The following TMEM45B variants were observed in gnomAD, a reference collection of about 807,000 sequenced individuals.
TMEM45B encodes transmembrane protein 45B.
TMEM45B carries 29 observed loss-of-function variants against 27.3 expected under a neutral mutation model. The observed-to-expected ratio is 1.06, with a 90% CI of 0.79 to 1.45. The LOEUF (loss-of-function observed/expected upper bound fraction) is 1.45, where lower values mean the gene tolerates loss of function less well. Ranked by LOEUF, TMEM45B falls within the 40% of genes most tolerant of loss-of-function variation. TMEM45B has a pLI of 0.00. For synonymous variants in TMEM45B, 143 were observed against 134.7 expected, an observed-to-expected ratio of 1.06 and a Z score of -0.43; for missense variants, 348 against 343.9, an observed-to-expected ratio of 1.01 and a Z score of -0.09.
chr11:129,826,567 A>AAAAAAAAT (rs1199881268), intron 1 of TMEM45B, among the ~76,000 whole-genome samples: 6 of 96,118 alleles, frequency 6.2e-5, no homozygotes, highest in East Asian at 3.4e-4. Flanking sequence ...AAAAAAAAAA[A>AAAAAAAAT]AGGACCCTGA....
At chr11:129,853,000 T>G (rs1026689161) in intron 2 of TMEM45B, 1 of 182,790 alleles carries the variant, frequency 5.5e-6, no homozygotes, top group Non-Finnish European at 1.1e-5. Flanking sequence ...CGTACCTTAG[T>G]TGTGACAAAG....
intron 1 of TMEM45B, among the ~76,000 whole-genome samples, chr11:129,847,659 C>T (rs2135591005): frequency 6.6e-6 from 1 of 151,884 alleles, no homozygotes; most frequent in South Asian, 2.1e-4. Context: ...ATCCATTTAA[C>T]CCTGAGTGGA....
intron 1 of TMEM45B, among the ~76,000 whole-genome samples, chr11:129,847,698 T>G (rs1947781832): frequency 6.6e-6 from 1 of 151,964 alleles, no homozygotes; most frequent in Non-Finnish European, 1.5e-5. Context: ...GAGCACAGGG[T>G]TGGGGGTAAG....
rs896517501 is a variant in TMEM45B, at chr11:129,859,203, T to C, written c.*518T>C. The C allele has an allele frequency of 2.6e-5, 4 of 152,298 alleles. No homozygotes were observed. The highest frequency in any genetic ancestry group is 4.8e-5 in the African/African-American group (2 of 41,474). The allele number at this position is 152,298 out of a possible 1,614,324, so 9.4% of individuals were successfully genotyped here. A position where few individuals can be genotyped will look rare whatever the true frequency, so the allele number is the denominator to read the frequency against. ...TGAAAGTAAAATAATTCACAAGCTT[T>C]GGTATTTTAAAATTATTGTTAAACA... On this transcript the variant is annotated 3_prime_UTR_variant, in exon 6 of 6. Coordinates refer to ENST00000281441, the MANE Select transcript of TMEM45B (RefSeq NM_138788.5).
chr11:129,833,140 T>G (rs1416069229), intron 1 of TMEM45B, among the ~76,000 whole-genome samples: 1 of 151,890 alleles, frequency 6.6e-6, no homozygotes, highest in African/African-American at 2.4e-5. Flanking sequence ...CTTGGGAGGC[T>G]GAGGCTGGAG....
At chr11:129,850,221 A>G (rs56350838) in intron 1 of TMEM45B, 24,929 of 151,580 alleles carry the variant, frequency 0.16, 2,174 homozygotes, top group South Asian at 0.28. Context: ...CTGGAGTGCA[A>G]TGGCGCGATC....
chr11:129,817,067 G>T (rs1038319054), intron 1 of TMEM45B, among the ~76,000 whole-genome samples: 8 of 151,976 alleles, frequency 5.3e-5, no homozygotes, highest in Non-Finnish European at 1.2e-4. Flanking sequence ...CTTCTTTCAC[G>T]TTCTCTTCGA....
intron 3 of TMEM45B, 123 bp downstream of exon 3, chr11:129,854,939 T>C: frequency 1.1e-5 from 13 of 1,182,652 alleles, no homozygotes; most frequent in Non-Finnish European, 1.5e-5. Flanking sequence ...TCCACATCTC[T>C]GGACTGCCAA....
intron 5 of TMEM45B, among the ~76,000 whole-genome samples, chr11:129,858,054 C>A (rs1269231707): frequency 1.3e-5 from 2 of 152,130 alleles, no homozygotes; most frequent in Non-Finnish European, 2.9e-5. Flanking sequence ...GAAAACAAGG[C>A]TTCAAAAAGC....
In TMEM45B at chr11:129,815,898, G is replaced by A; in HGVS notation, c.-9G>A. 1 of 1,283,494 alleles carries A rather than the reference G, an allele frequency of 7.8e-7. No homozygotes were observed. The highest frequency in any genetic ancestry group is 9.8e-7 in the Non-Finnish European group (1 of 1,021,346). The allele number at this position is 1,283,494 out of a possible 1,614,324, so 79.5% of individuals were successfully genotyped here. On this transcript the variant is annotated splice_region_variant and 5_prime_UTR_variant, in exon 1 of 6. Transcript: ENST00000281441. ...AGACGGCTGCGAGGCGCTGGGCACA[G>A]GTCAGACGTCCGTACCCGCAGGGGG... is the stretch of plus-strand genomic sequence containing the variant.
chr11:129,818,756 C>T (rs1565360995), intron 1 of TMEM45B, among the ~76,000 whole-genome samples: 2 of 152,142 alleles, frequency 1.3e-5, no homozygotes, highest in African/African-American at 4.8e-5. Context: ...ATCTTTGTTC[C>T]ATATAATTAC....
At chr11:129,848,130 G>C (rs867261451) in intron 1 of TMEM45B, among the ~76,000 whole-genome samples, 1 of 152,034 alleles carries the variant, frequency 6.6e-6, no homozygotes, top group South Asian at 2.1e-4. Flanking sequence ...CCGGGCAGAG[G>C]CTGCAATCTC....
intron 1 of TMEM45B, among the ~76,000 whole-genome samples, chr11:129,839,451 A>C (rs1947663563): frequency 6.6e-6 from 1 of 152,186 alleles, no homozygotes; most frequent in Admixed American, 6.5e-5. Flanking sequence ...TCACACTCCC[A>C]TTCTATCTCA....
At chr11:129,816,805 T>A (rs1378499616) in intron 1 of TMEM45B, among the ~76,000 whole-genome samples, 1 of 136,768 alleles carries the variant, frequency 7.3e-6, no homozygotes, top group Non-Finnish European at 1.5e-5. Context: ...TGGCGCAATC[T>A]CGGATCACTG....
intron 1 of TMEM45B, among the ~76,000 whole-genome samples, chr11:129,848,234 A>T (rs896130673): frequency 2.6e-5 from 4 of 152,180 alleles, no homozygotes; most frequent in African/African-American, 9.7e-5. Flanking sequence ...TTGAGCACTG[A>T]GTGAACGAGA....
In TMEM45B at chr11:129,855,864, T is replaced by A. The variant is rs1947916617; in HGVS notation, c.542T>A (p.Ile181Asn). The change falls in exon 4 of 6, where the codon ATC becomes AAC. Residue 181 changes from isoleucine to asparagine, a missense_variant. Physicochemically the swap from Ile to Asn is moderately radical, Grantham distance 149 (BLOSUM62 -3). Transcript: ENST00000281441. ...CTGGAACTTTTCCGAACCAGTCTCA[T>A]CATTCTTCAGGGAACCTGGTTCTGG... The part of the protein sequence containing the change: ...IVLELFRTSL[I>N]ILQGTWFWQI... The A allele has an allele frequency of 6.2e-7, 1 of 1,614,062 alleles. No individual in the cohort carries two copies. The highest frequency in any genetic ancestry group is 1.7e-5 in the Admixed American group (1 of 60,002).
At chr11:129,820,563 T>C (rs1947406778) in intron 1 of TMEM45B, among the ~76,000 whole-genome samples, 1 of 152,192 alleles carries the variant, frequency 6.6e-6, no homozygotes, top group Admixed American at 6.5e-5. Flanking sequence ...CTGCTGATTA[T>C]GTAGGTCTGG....
At chr11:129,854,316 G>A (rs1404337121) in intron 2 of TMEM45B, among the ~76,000 whole-genome samples, 1 of 152,154 alleles carries the variant, frequency 6.6e-6, no homozygotes, top group Admixed American at 6.5e-5. Flanking sequence ...TCTGCTCCTG[G>A]ACAAACCTCC....
chr11:129,823,726 C>T (rs1947448043), intron 1 of TMEM45B, among the ~76,000 whole-genome samples: 1 of 152,174 alleles, frequency 6.6e-6, no homozygotes, highest in Non-Finnish European at 1.5e-5. Context: ...ACTACTAGGA[C>T]TCTAAGTAGA....
Sources: allele counts gnomAD v4.1 joint callset (sites outside exome capture counted in the v4.1 genomes callset), GRCh38; gene constraint gnomAD v4.1.1; transcripts MANE v1.5; gene names NCBI Gene and HGNC (gene_info 2026-07-23, HGNC 2026-07-21).